Variants in SNX31 observed in about 807,000 individuals in gnomAD.
The protein encoded by SNX31 is sorting nexin 31.
SNX31 carries 58 observed loss-of-function variants against 65.4 expected under a neutral mutation model. That is an observed-to-expected ratio of 0.89 (90% CI 0.72 to 1.10). The LOEUF is 1.10. SNX31 is among the 50% of genes least tolerant of loss of function. The pLI is 0.00. For missense variants in SNX31, 523 were observed against 529.7 expected (o/e 0.99, Z 0.12); for synonymous variants, 181 against 190.1 (o/e 0.95, Z 0.39).
At chr8:100,584,871 C>T (rs1415787497) in intron 11 of SNX31, among the ~76,000 whole-genome samples, 1 of 151,522 alleles carries the variant, frequency 6.6e-6, no homozygotes, top group African/African-American at 2.4e-5. Flanking sequence ...CGCTTCAGCA[C>T]GCTGCCATGC....
chr8:100,593,732 G>A (rs1814802534), intron 10 of SNX31, among the ~76,000 whole-genome samples: 1 of 151,978 alleles, frequency 6.6e-6, no homozygotes, highest in Admixed American at 6.6e-5. Flanking sequence ...GGGATTATAG[G>A]CATGAGCCAC....
chr8:100,624,948 C>T lies in SNX31; in HGVS notation c.321+5379G>A, dbSNP rs140832761. Among the ~76,000 whole-genome samples the T allele has an allele frequency of 1.9e-3, 289 of 152,016 alleles. 3 individuals are homozygous for T. The highest frequency in any genetic ancestry group is 0.015 in the Admixed American group (224 of 15,262). ...TCCAGAGTAGCGGGGGCTATAGACA[C>T]GTGCCACTACCCCCATCTAAATATC... On this transcript the variant is annotated intron_variant, in intron 4 of 13. Coordinates refer to ENST00000311812, the MANE Select transcript of SNX31 (RefSeq NM_152628.4).
rs1203889072 is a variant in SNX31, at chr8:100,604,994, G to C, written c.681+3500C>G. ...GCTCCCTGCAACCTCTGCCTCCTGGGTTCAAGAGATTCTCCTGCCTCGGCC... is the reference window on the plus strand; with the variant it reads ...GCTCCCTGCAACCTCTGCCTCCTGGCTTCAAGAGATTCTCCTGCCTCGGCC... On this transcript the variant is annotated intron_variant, in intron 8 of 13. Transcript: ENST00000311812. This position sits in a 1 kb window ranked among gnomAD's most constrained non-coding sequence, Gnocchi z 4.3. Among the ~76,000 whole-genome samples, 1 of 152,070 alleles carries C rather than the reference G, an allele frequency of 6.6e-6. No individual in the cohort carries two copies. The highest frequency in any genetic ancestry group is 1.5e-5 in the Non-Finnish European group (1 of 68,024).
chr8:100,589,041 G>A (rs908927869), intron 10 of SNX31, 62 bp from the exon 11 acceptor site: 110 of 1,332,386 alleles, frequency 8.3e-5, no homozygotes, highest in Admixed American at 2.1e-4. Context: ...TGCCGGGCAC[G>A]GTGGCTCACA....
chr8:100,619,152 T>A (rs947674248), intron 4 of SNX31: 8 of 152,238 alleles, frequency 5.3e-5, no homozygotes, highest in African/African-American at 1.7e-4. Flanking sequence ...TCAGGCAATG[T>A]TGAAAGGTGC....
chr8:100,655,008 G>A (rs750533101), intron 1 of SNX31, among the ~76,000 whole-genome samples: 10 of 152,118 alleles, frequency 6.6e-5, no homozygotes, highest in African/African-American at 1.2e-4. Context: ...GTGAGAATCC[G>A]TCTCAAAAAA....
intron 1 of SNX31, among the ~76,000 whole-genome samples, chr8:100,658,199 C>T (rs909191457): frequency 7.9e-5 from 12 of 152,148 alleles, no homozygotes; most frequent in Non-Finnish European, 1.2e-4. Context: ...TGGTCAGAGC[C>T]CCTCACAGCT....
intron 3 of SNX31, 22 bp downstream of exon 3, chr8:100,635,875 A>T (rs1818734603): frequency 1.9e-6 from 3 of 1,563,968 alleles, no homozygotes; most frequent in Admixed American, 1.7e-5. Context: ...TCTGTTTTTT[A>T]AAAAACCCTG....
chr8:100,638,585 C>A (rs1218325464), intron 2 of SNX31, among the ~76,000 whole-genome samples: 1 of 152,200 alleles, frequency 6.6e-6, no homozygotes, highest in Non-Finnish European at 1.5e-5. Context: ...TTGGTACCAG[C>A]AGTTATTTGT....
intron 1 of SNX31, among the ~76,000 whole-genome samples, chr8:100,658,775 G>A (rs777369726): frequency 2.6e-5 from 4 of 152,182 alleles, no homozygotes; most frequent in East Asian, 3.8e-4. Context: ...AAGCACACAC[G>A]AGATGCTTCC....
intron 9 of SNX31, 44 bp from the exon 10 acceptor site, chr8:100,596,886 A>T: frequency 6.5e-7 from 1 of 1,539,008 alleles, no homozygotes; most frequent in Non-Finnish European, 9.0e-7. Context: ...GGCAAGAGGA[A>T]GCAAAAGACC....
chr8:100,574,812 T>C (rs2130747424), intron 13 of SNX31, among the ~76,000 whole-genome samples: 1 of 152,182 alleles, frequency 6.6e-6, no homozygotes, highest in Middle Eastern at 3.4e-3. Flanking sequence ...TGCACACCTG[T>C]AATCCCAGCT....
Position 100,594,493 on chromosome 8 carries a change from G to C in SNX31, c.978+2146C>G, listed in dbSNP as rs766132360. Among the ~76,000 whole-genome samples the C allele has an allele frequency of 2.0e-5, 3 of 152,086 alleles. No individual in the cohort carries two copies. The highest frequency in any genetic ancestry group is 2.9e-5 in the Non-Finnish European group (2 of 68,012). On this transcript the variant is annotated intron_variant, in intron 10 of 13. Coordinates refer to ENST00000311812, the MANE Select transcript of SNX31 (RefSeq NM_152628.4). This position sits in a 1 kb window ranked among gnomAD's most constrained non-coding sequence, Gnocchi z 4.0. ...ATTCAAAAATGGGTAAAAGATATGA[G>C]AAGACATTTTACCAAAGAAGATATA...
At chr8:100,652,221 A>G (rs1038669962), upstream of SNX31, among the ~76,000 whole-genome samples, 1 of 151,360 alleles carries the variant, frequency 6.6e-6, no homozygotes, top group Admixed American at 6.6e-5. Context: ...CTCATGATCT[A>G]CCCGCCTCGG....
intron 8 of SNX31, among the ~76,000 whole-genome samples, chr8:100,603,805 T>G (rs1815885590): frequency 6.6e-6 from 1 of 151,890 alleles, no homozygotes; most frequent in Non-Finnish European, 1.5e-5. Context: ...TGGTGTGATC[T>G]CATCTCACTG....
chr8:100,641,545 CAAAAAA>C (rs1173913088), intron 2 of SNX31, among the ~76,000 whole-genome samples: 3 of 10,258 alleles, frequency 2.9e-4, no homozygotes, highest in African/African-American at 8.5e-4. Context: ...GACCTTGTCT[CAAAAAA>C]AAAAAAAAAA....
rs940068483 is a variant in SNX31 at position 100,660,557 on chromosome 8, G to C, written c.-58+2585C>G. On this transcript the variant is annotated intron_variant, in intron 1 of 5. Coordinates refer to the SNX31 transcript ENST00000520352. This position sits in a 1 kb window ranked among gnomAD's most constrained non-coding sequence, Gnocchi z 4.1. ...AGGTCCTGCAATGTCACTCAGCACG[G>C]GGCTCTAACTCAAGTGGCAGGCGTC... Among the ~76,000 whole-genome samples, 2 of 152,188 alleles carry C rather than the reference G, an allele frequency of 1.3e-5. No homozygotes were observed. Among genetic ancestry groups the C allele is most frequent in the African/African-American group, 4.8e-5 (2 of 41,420 alleles).
At chr8:100,627,054 A>G (rs1017777301) in intron 4 of SNX31, among the ~76,000 whole-genome samples, 1 of 152,198 alleles carries the variant, frequency 6.6e-6, no homozygotes, top group African/African-American at 2.4e-5. Context: ...TTATCAGGAA[A>G]ATAAGATACA....
At position 100,600,281 on chromosome 8, in the gene SNX31, A is replaced by T. The variant is rs909527836; in HGVS notation, c.774+68T>A. On this transcript the variant is annotated intron_variant, in intron 9 of 13. Coordinates refer to ENST00000311812, the MANE Select transcript of SNX31 (RefSeq NM_152628.4). ...TGGTAGGTTTATCAGTTACAGAAAC[A>T]GTTCAATTCTAATATGTTTCTTTAA... 4 of 1,343,264 alleles carry T rather than the reference A, an allele frequency of 3.0e-6. No individual in the cohort carries two copies. In the East Asian group the frequency reaches 9.2e-5, roughly 31 times the overall value. 83.2% of individuals were successfully genotyped at this position (1,343,264 alleles called of 1,614,324 possible). A position where few individuals can be genotyped will look rare whatever the true frequency, so the allele number is the denominator to read the frequency against.
Sources: gnomAD v4.1 joint callset for allele counts (sites outside exome capture counted in the v4.1 genomes callset) on GRCh38, gnomAD v4.1.1 for gene constraint, Gnocchi (gnomAD v3.1) non-coding constraint, MANE v1.5 for transcripts, NCBI Gene and HGNC (gene_info 2026-07-23, HGNC 2026-07-21) for gene names.